The following CTNNBIP1 variants were observed in gnomAD, a reference collection of about 807,000 sequenced individuals.
CTNNBIP1 encodes the protein beta-catenin-interacting protein 1.
Under a neutral mutation model 11.8 loss-of-function variants are expected in CTNNBIP1, and 7 were observed. The ratio of observed to expected loss-of-function variants is 0.60; its 90% CI spans 0.34 to 1.12. The LOEUF is 1.12. Among genes scored for constraint, CTNNBIP1 ranks in the 50% most tolerant of loss-of-function variants. The pLI is 0.03. For missense variants in CTNNBIP1, 101 were observed against 113.4 expected (o/e 0.89, Z 0.50); for synonymous variants, 58 against 43.9 (o/e 1.32, Z -1.26).
chr1:9,906,286 G>A (rs538984889), intron 1 of CTNNBIP1, among the ~76,000 whole-genome samples: 5 of 152,174 alleles, frequency 3.3e-5, no homozygotes, highest in African/African-American at 7.2e-5. Context: ...GGCCAGGCAC[G>A]GTGGCTCACG....
At chr1:9,905,589 ATTT>A (rs1215484495) in intron 1 of CTNNBIP1, among the ~76,000 whole-genome samples, 1 of 143,342 alleles carries the variant, frequency 7.0e-6, no homozygotes, top group Admixed American at 7.0e-5. Context: ...TGCCCGGCTA[ATTT>A]TTTTTTTTTT....
At chr1:9,869,909 G>A (rs935074) in intron 5 of CTNNBIP1, among the ~76,000 whole-genome samples, 21,059 of 152,224 alleles carry the variant, frequency 0.14, 1,636 homozygotes, top group South Asian at 0.19. Flanking sequence ...AGGATGGGGC[G>A]GGAGCCGACG....
intron 2 of CTNNBIP1, among the ~76,000 whole-genome samples, chr1:9,880,055 C>T (rs1351259809): frequency 1.3e-5 from 2 of 152,164 alleles, no homozygotes; most frequent in African/African-American, 4.8e-5. Flanking sequence ...CGGTTTGTGG[C>T]ACCTATCAAC....
intron 1 of CTNNBIP1, among the ~76,000 whole-genome samples, chr1:9,891,856 C>G (rs2101527841): frequency 7.6e-6 from 1 of 131,198 alleles, no homozygotes; most frequent in East Asian, 2.3e-4. Context: ...GGCTGGAGTG[C>G]AGTGGCGCAA....
rs1557753253 is a variant in CTNNBIP1 at position 9,872,502 on chromosome 1, T to G, written c.-24-414A>C. 6.6e-6 allele frequency among the ~76,000 whole-genome samples: 1 copy of G among 152,134 alleles called. No homozygotes were observed. The highest frequency in any genetic ancestry group is 6.5e-5 in the Admixed American group (1 of 15,278). Reference sequence around the variant, plus strand: ...ACAACTTCCACAAGGGGCAAAAAAGTGATGGGATCAGAGGCAACTGGTTAG... The same window carrying G: ...ACAACTTCCACAAGGGGCAAAAAAGGGATGGGATCAGAGGCAACTGGTTAG... On this transcript the variant is annotated intron_variant, in intron 3 of 5. Transcript: ENST00000377263. This position sits in a 1 kb window ranked among gnomAD's most constrained non-coding sequence, Gnocchi z 4.0.
intron 3 of CTNNBIP1, among the ~76,000 whole-genome samples, chr1:9,877,577 A>C (rs1638995794): frequency 2.0e-5 from 3 of 152,246 alleles, no homozygotes; most frequent in Admixed American, 2.0e-4. Flanking sequence ...AGATTCTAAT[A>C]CATTTAAAAA....
chr1:9,864,429 C>T (rs960333628), intron 5 of CTNNBIP1, among the ~76,000 whole-genome samples: 15 of 152,288 alleles, frequency 9.8e-5, no homozygotes, highest in Middle Eastern at 3.4e-3. Flanking sequence ...CCCGGGTTCA[C>T]GCCATTCTCC....
chr1:9,861,946 C>T, intron 5 of CTNNBIP1, among the ~76,000 whole-genome samples: 1 of 152,196 alleles, frequency 6.6e-6, no homozygotes, highest in Middle Eastern at 3.2e-3. Flanking sequence ...GCATCATAAA[C>T]GACATCCCAC....
At chr1:9,869,613 C>A (rs1236850014) in intron 5 of CTNNBIP1, among the ~76,000 whole-genome samples, 1 of 152,210 alleles carries the variant, frequency 6.6e-6, no homozygotes, top group Non-Finnish European at 1.5e-5. Flanking sequence ...CTGTGAGCCA[C>A]CGTACCCGGC....
intron 1 of CTNNBIP1, among the ~76,000 whole-genome samples, chr1:9,903,959 C>T (rs1225956835): frequency 6.6e-6 from 1 of 152,190 alleles, no homozygotes; most frequent in East Asian, 1.9e-4. Flanking sequence ...ACCTCAAACA[C>T]TTTACTTAAC....
chr1:9,854,340 C>T (rs1164620823), intron 5 of CTNNBIP1, among the ~76,000 whole-genome samples: 1 of 148,818 alleles, frequency 6.7e-6, no homozygotes, highest in East Asian at 2.0e-4. Context: ...TGTACTCCAG[C>T]CTGGGCAACA....
rs1638360799 is a variant in CTNNBIP1 at position 9,850,594 on chromosome 1, G to A, written c.*124C>T. The A allele has an allele frequency of 2.5e-6, 2 of 812,868 alleles. No homozygotes were observed. The highest frequency in any genetic ancestry group is 1.8e-5 in the Admixed American group (1 of 54,872). 50.4% of individuals were successfully genotyped at this position (812,868 alleles called of 1,614,324 possible). ...AGTAGCTGTGAGGTGGGGTGGGGCA[G>A]GGCAGGGTTGGGTAGGGGAAGGGGG... On this transcript the variant is annotated 3_prime_UTR_variant, in exon 6 of 6. Coordinates refer to ENST00000377263, the MANE Select transcript of CTNNBIP1 (RefSeq NM_020248.3).
In CTNNBIP1 at chr1:9,853,749, T is replaced by C. The variant is rs115969368; in HGVS notation, c.188-2973A>G. On this transcript the variant is annotated intron_variant, in intron 5 of 5. Transcript: ENST00000377263. Reference sequence around the variant, plus strand: ...CCTTCCCACCAGATGCAAGTGAGCATAGGAGGGGAGAGGTTGATCTGTGTC... The same window carrying C: ...CCTTCCCACCAGATGCAAGTGAGCACAGGAGGGGAGAGGTTGATCTGTGTC... 9.1e-3 allele frequency among the ~76,000 whole-genome samples: 1,384 copies of C among 152,236 alleles called. 19 individuals carry two copies. The highest frequency in any genetic ancestry group is 0.031 in the African/African-American group (1,278 of 41,536).
intron 2 of CTNNBIP1, among the ~76,000 whole-genome samples, chr1:9,881,501 G>A (rs1228233212): frequency 1.3e-5 from 2 of 151,664 alleles, no homozygotes; most frequent in African/African-American, 2.4e-5. Context: ...CACCACACCC[G>A]GCTATTTTTT....
chr1:9,874,551 G>A (rs978374438), intron 3 of CTNNBIP1, among the ~76,000 whole-genome samples: 6 of 152,164 alleles, frequency 3.9e-5, no homozygotes, highest in African/African-American at 1.2e-4. Context: ...CACCATGCCC[G>A]CCTGTCCTGA....
chr1:9,909,969 G>C (rs112459163), intron 1 of CTNNBIP1, 126 bp downstream of exon 1: 1 of 151,772 alleles, frequency 6.6e-6, no homozygotes, highest in Non-Finnish European at 1.5e-5. Context: ...TCAGGGGTCC[G>C]AGCGGGGTCG....
intron 5 of CTNNBIP1, among the ~76,000 whole-genome samples, chr1:9,862,282 C>A (rs977514857): frequency 2.6e-5 from 4 of 152,292 alleles, no homozygotes; most frequent in Admixed American, 2.6e-4. Context: ...TGGGGTCTCA[C>A]TATGTTGCCC....
rs1638341788 is a variant in CTNNBIP1 at position 9,849,908 on chromosome 1, G to A, written c.*810C>T. The stretch of plus-strand genomic sequence containing the variant: ...TCCTCAGGGGCCCAACTTTCCAGCT[G>A]TGGACCCTGCTCAGGGTTCTCGGGG... On this transcript the variant is annotated 3_prime_UTR_variant, in exon 6 of 6. Transcript: ENST00000377263. 1 of 152,290 alleles carries A rather than the reference G, an allele frequency of 6.6e-6. No homozygotes were observed. Among genetic ancestry groups the A allele is most frequent in the Admixed American group, 6.5e-5 (1 of 15,280 alleles). The allele number at this position is 152,290 out of a possible 1,614,324, so 9.4% of individuals were successfully genotyped here. A position where few individuals can be genotyped will look rare whatever the true frequency, so the allele number is the denominator to read the frequency against.
At chr1:9,906,141 G>A (rs567668898) in intron 1 of CTNNBIP1, among the ~76,000 whole-genome samples, 2 of 152,182 alleles carry the variant, frequency 1.3e-5, no homozygotes, top group East Asian at 3.8e-4. Context: ...TATTACTATT[G>A]TGCATATGGG....
Sources: allele counts gnomAD v4.1 joint callset (sites outside exome capture counted in the v4.1 genomes callset), GRCh38; gene constraint gnomAD v4.1.1; non-coding constraint Gnocchi (gnomAD v3.1); transcripts MANE v1.5; gene names NCBI Gene and HGNC (gene_info 2026-07-23, HGNC 2026-07-21).